Variants in SLC24A3 observed in about 807,000 individuals in gnomAD.
SLC24A3 encodes sodium/potassium/calcium exchanger 3.
SLC24A3 carries 28 observed loss-of-function variants against 75.8 expected under a neutral mutation model. That is an observed-to-expected ratio of 0.37 (90% CI 0.27 to 0.51). The LOEUF is 0.51. SLC24A3 is among the 20% of genes least tolerant of loss of function. The pLI, the probability that SLC24A3 is intolerant of heterozygous loss-of-function variation, is 0.94. For missense variants in SLC24A3, 663 were observed against 847.8 expected, an observed-to-expected ratio of 0.78 and a Z score of 2.71; for synonymous variants, 372 against 334.1, an observed-to-expected ratio of 1.11 and a Z score of -1.24.
At chr20:19,612,840 A>G (rs1045202391) in intron 6 of SLC24A3, among the ~76,000 whole-genome samples, 5 of 152,100 alleles carry the variant, frequency 3.3e-5, no homozygotes, top group African/African-American at 1.2e-4. Context: ...AGAAGGTCTG[A>G]GTAGAGCCAC....
At chr20:19,629,462 A>G (rs1477452803) in intron 6 of SLC24A3, among the ~76,000 whole-genome samples, 1 of 152,174 alleles carries the variant, frequency 6.6e-6, no homozygotes, top group African/African-American at 2.4e-5. Flanking sequence ...TCAGAAGGAG[A>G]AGAAAGAAAG....
intron 2 of SLC24A3, among the ~76,000 whole-genome samples, chr20:19,424,285 A>G (rs1986963055): frequency 6.6e-6 from 1 of 152,212 alleles, no homozygotes; most frequent in South Asian, 2.1e-4. Context: ...ATAACTGCAC[A>G]TTCTACACAT....
intron 2 of SLC24A3, among the ~76,000 whole-genome samples, chr20:19,440,340 G>A (rs958823017): frequency 1.3e-4 from 20 of 152,232 alleles, no homozygotes; most frequent in African/African-American, 4.8e-4. Flanking sequence ...TGTAATCTCA[G>A]AAGGAGCTGG....
At chr20:19,291,779 G>A (rs1983947321) in intron 2 of SLC24A3, among the ~76,000 whole-genome samples, 1 of 152,180 alleles carries the variant, frequency 6.6e-6, no homozygotes, top group Non-Finnish European at 1.5e-5. Context: ...AGACCTCAGG[G>A]CCCACTCAGT....
intron 1 of SLC24A3, among the ~76,000 whole-genome samples, chr20:19,269,468 T>G (rs1983260891): frequency 6.6e-6 from 1 of 152,234 alleles, no homozygotes; most frequent in Admixed American, 6.5e-5. Flanking sequence ...CAAGTAGCAT[T>G]TAACTGACAA....
At chr20:19,595,502 G>A (rs771250895) in intron 6 of SLC24A3, among the ~76,000 whole-genome samples, 1 of 152,162 alleles carries the variant, frequency 6.6e-6, no homozygotes, top group African/African-American at 2.4e-5. Flanking sequence ...GGATGAATGA[G>A]TATCACAAGT....
intron 2 of SLC24A3, among the ~76,000 whole-genome samples, chr20:19,446,626 A>G (rs951520432): frequency 6.6e-6 from 1 of 152,144 alleles, no homozygotes; most frequent in Non-Finnish European, 1.5e-5. Context: ...TGTGACCTTG[A>G]CTCATTCTTC....
At chr20:19,654,274 T>C (rs1047186348) in intron 7 of SLC24A3, 138 bp downstream of exon 7, 1 of 740,434 alleles carries the variant, frequency 1.4e-6, no homozygotes, top group African/African-American at 1.8e-5. Context: ...GAGGCAGATT[T>C]ATTTCTTTCA....
At position 19,585,622 on chromosome 20, in the gene SLC24A3, G is replaced by C. The variant is rs1424649748; in HGVS notation, c.612+78G>C. 4.3e-6 allele frequency: 6 copies of C among 1,393,632 alleles called. No individual in the cohort carries two copies. In the South Asian group the frequency reaches 6.1e-5, roughly 14 times the overall value. 86.3% of individuals were successfully genotyped at this position (1,393,632 alleles called of 1,614,324 possible). On this transcript the variant is annotated intron_variant, in intron 6 of 16. Transcript: ENST00000328041. ...AGGCATGGAGTTTAGGCAGGAGACT[G>C]TCTTGCTGGAACACAACTTGCATTA...
chr20:19,578,592 G>T (rs2031175109), intron 3 of SLC24A3, among the ~76,000 whole-genome samples: 1 of 151,864 alleles, frequency 6.6e-6, no homozygotes, highest in Non-Finnish European at 1.5e-5. Flanking sequence ...GGCTATACTG[G>T]GTCATGTGTG....
intron 4 of SLC24A3, among the ~76,000 whole-genome samples, chr20:19,581,256 G>A (rs1466040143): frequency 6.6e-6 from 1 of 152,172 alleles, no homozygotes; most frequent in African/African-American, 2.4e-5. Flanking sequence ...GGGAGGAGGT[G>A]TTCCTCACCT....
chr20:19,475,338 C>CAA (rs200612924), intron 2 of SLC24A3, among the ~76,000 whole-genome samples: 69 of 142,444 alleles, frequency 4.8e-4, no homozygotes, highest in African/African-American at 1.6e-3. Context: ...GACTCTGTCT[C>CAA]AAGAAAAAAA....
At chr20:19,553,257 CTGTA>C (rs1353591919) in intron 3 of SLC24A3, among the ~76,000 whole-genome samples, 2 of 152,060 alleles carry the variant, frequency 1.3e-5, no homozygotes, top group East Asian at 3.9e-4. Flanking sequence ...GTGTACACCT[CTGTA>C]TGTGTGTGCA....
intron 2 of SLC24A3, among the ~76,000 whole-genome samples, chr20:19,333,813 A>G (rs886702751): frequency 6.6e-6 from 1 of 152,174 alleles, no homozygotes; most frequent in Non-Finnish European, 1.5e-5. Flanking sequence ...CAGTGCCAGT[A>G]AATTGTCCTC....
intron 1 of SLC24A3, among the ~76,000 whole-genome samples, chr20:19,271,240 T>C (rs535056766): frequency 6.6e-6 from 1 of 152,178 alleles, no homozygotes; most frequent in East Asian, 1.9e-4. Context: ...AATGGGAATG[T>C]CAACCTCACT....
chr20:19,612,909 T>C (rs993545928), intron 6 of SLC24A3, among the ~76,000 whole-genome samples: 2 of 152,220 alleles, frequency 1.3e-5, no homozygotes, highest in African/African-American at 4.8e-5. Context: ...AAACTCAGAC[T>C]TCCTCACCTA....
chr20:19,467,340 ACCACTT>A (rs1987783981), intron 2 of SLC24A3, among the ~76,000 whole-genome samples: 2 of 152,346 alleles, frequency 1.3e-5, no homozygotes, highest in South Asian at 4.1e-4. Context: ...GGGTGGCTTA[ACCACTT>A]GGTGGATTGT....
chr20:19,230,083 A>C (rs1981976678), intron 1 of SLC24A3, among the ~76,000 whole-genome samples: 1 of 150,896 alleles, frequency 6.6e-6, no homozygotes, highest in Admixed American at 6.6e-5. Context: ...TTTTAGAAGA[A>C]TAGTGTTTTA....
At chr20:19,222,227 G>A (rs1213755091) in intron 1 of SLC24A3, among the ~76,000 whole-genome samples, 1 of 152,062 alleles carries the variant, frequency 6.6e-6, no homozygotes, top group Admixed American at 6.6e-5. Context: ...TAGATTCGTA[G>A]TAGTATTGAG....
Sources: gnomAD v4.1 joint callset for allele counts (sites outside exome capture counted in the v4.1 genomes callset) on GRCh38, gnomAD v4.1.1 for gene constraint, MANE v1.5 for transcripts, NCBI Gene and HGNC (gene_info 2026-07-23, HGNC 2026-07-21) for gene names.